Variants in TTBK2 observed in about 807,000 individuals in gnomAD.
TTBK2 encodes the protein tau tubulin kinase 2.
TTBK2 carries 28 observed loss-of-function variants against 110.8 expected under a neutral mutation model. The observed-to-expected ratio is 0.25, with a 90% CI of 0.19 to 0.35. The LOEUF (loss-of-function observed/expected upper bound fraction) is 0.35. Ranked by LOEUF, TTBK2 falls within the 10% of genes least tolerant of loss-of-function variation. TTBK2 has a pLI of 1.00. For missense variants in TTBK2, 1,369 were observed against 1,500.3 expected, an observed-to-expected ratio of 0.91 and a Z score of 1.45; for synonymous variants, 532 against 527.3, an observed-to-expected ratio of 1.01 and a Z score of -0.12.
At chr15:42,763,194 T>A (rs867700912) in intron 13 of TTBK2, among the ~76,000 whole-genome samples, 368 of 3,930 alleles carry the variant, frequency 0.094, no homozygotes, top group Middle Eastern at 0.25. Context: ...ATATATATAT[T>A]TTTTTTTTTT....
chr15:42,804,613 G>C (rs1031400270), intron 9 of TTBK2, among the ~76,000 whole-genome samples: 1 of 152,140 alleles, frequency 6.6e-6, no homozygotes, highest in Non-Finnish European at 1.5e-5. Flanking sequence ...GTTACAGCCA[G>C]TCAGCAGGCA....
At chr15:42,831,450 A>G in intron 4 of TTBK2, among the ~76,000 whole-genome samples, 1 of 152,266 alleles carries the variant, frequency 6.6e-6, no homozygotes, top group African/African-American at 2.4e-5. Flanking sequence ...TTATATGACA[A>G]ACATTCAATT....
intron 1 of TTBK2, among the ~76,000 whole-genome samples, chr15:42,891,562 A>C (rs1222969179): frequency 2.6e-5 from 4 of 152,092 alleles, no homozygotes; most frequent in Admixed American, 2.6e-4. Context: ...TACAAGGCTC[A>C]GGGAGCTTCC....
At chr15:42,881,833 T>C (rs1019378461) in intron 1 of TTBK2, among the ~76,000 whole-genome samples, 6 of 151,588 alleles carry the variant, frequency 4.0e-5, no homozygotes, top group African/African-American at 1.2e-4. Flanking sequence ...ATCGCACCAT[T>C]GCACTCTAGC....
chr15:42,903,899 A>G (rs1330365286), intron 1 of TTBK2, among the ~76,000 whole-genome samples: 2 of 152,172 alleles, frequency 1.3e-5, no homozygotes, highest in Non-Finnish European at 2.9e-5. Context: ...GAGCTGCCAT[A>G]TCACCCTATA....
chr15:42,739,833 G>A lies in TTBK2; in HGVS notation c.*5962C>T, dbSNP rs1203714922. The A allele has an allele frequency of 1.9e-4, 29 of 152,148 alleles. No individual in the cohort carries two copies. Among genetic ancestry groups the A allele is most frequent in the Non-Finnish European group, 1.5e-5 (1 of 68,024 alleles). The allele number at this position is 152,148 out of a possible 1,614,324, so 9.4% of individuals were successfully genotyped here. On this transcript the variant is annotated 3_prime_UTR_variant, in exon 15 of 15. Transcript: ENST00000267890. Reference sequence around the variant, plus strand: ...TACCCCTTGTAGGCGAGTGAAGAATGCCCACACAGAGTTCAGATGTGGTGA... The same window carrying A: ...TACCCCTTGTAGGCGAGTGAAGAATACCCACACAGAGTTCAGATGTGGTGA...
chr15:42,794,881 T>TCCC (rs1470601877), intron 9 of TTBK2, 80 bp from the exon 10 acceptor site: 12 of 1,566,724 alleles, frequency 7.7e-6, no homozygotes, highest in Non-Finnish European at 1.0e-5. Flanking sequence ...CACACCAGAC[T>TCCC]CATAAAATGA....
intron 4 of TTBK2, 50 bp from the exon 5 acceptor site, chr15:42,830,128 TAAGAG>T (rs1486011844): frequency 6.2e-7 from 1 of 1,607,230 alleles, no homozygotes; most frequent in Non-Finnish European, 8.5e-7. Context: ...AACTATAGTA[TAAGAG>T]AAGACTGGGA....
At chr15:42,753,345 A>G in intron 13 of TTBK2, 98 bp from the exon 14 acceptor site, 2 of 1,301,460 alleles carry the variant, frequency 1.5e-6, no homozygotes, top group Admixed American at 2.0e-5. Context: ...ATTTATAGGA[A>G]GAACACAGAT....
chr15:42,910,218 C>T (rs1252785224), intron 1 of TTBK2, among the ~76,000 whole-genome samples: 2 of 150,546 alleles, frequency 1.3e-5, no homozygotes, highest in African/African-American at 4.9e-5. Flanking sequence ...GATTAGGCAA[C>T]AATAATCTAG....
chr15:42,899,118 G>A (rs1462247620), intron 1 of TTBK2, among the ~76,000 whole-genome samples: 2 of 152,032 alleles, frequency 1.3e-5, no homozygotes, highest in African/African-American at 4.8e-5. Flanking sequence ...TCAGCCTCCT[G>A]AGAAGCTGCA....
chr15:42,765,690 C>T (rs549494653), intron 13 of TTBK2, among the ~76,000 whole-genome samples: 1 of 152,336 alleles, frequency 6.6e-6, no homozygotes, highest in African/African-American at 2.4e-5. Flanking sequence ...CTGCAAAACA[C>T]TCTGCAGGAT....
At chr15:42,774,540 C>T (rs560168770) in intron 13 of TTBK2, among the ~76,000 whole-genome samples, 5 of 152,246 alleles carry the variant, frequency 3.3e-5, no homozygotes, top group African/African-American at 1.2e-4. Flanking sequence ...GCCGCCTCTA[C>T]CTGCTTGTTA....
intron 6 of TTBK2, 90 bp from the exon 7 acceptor site, chr15:42,817,187 C>A (rs7182753): frequency 2.1e-6 from 2 of 940,360 alleles, no homozygotes. Context: ...GGAAGAAACA[C>A]GTCCTTTATT....
chr15:42,754,604 T>C (rs2061917258), intron 13 of TTBK2, among the ~76,000 whole-genome samples: 1 of 147,274 alleles, frequency 6.8e-6, no homozygotes, highest in Non-Finnish European at 1.5e-5. Context: ...ACCATGTTGG[T>C]CAGGTTGGTC....
At chr15:42,887,603 G>A (rs1895293783) in intron 1 of TTBK2, among the ~76,000 whole-genome samples, 1 of 152,144 alleles carries the variant, frequency 6.6e-6, no homozygotes, top group Non-Finnish European at 1.5e-5. Context: ...TTACAGGTTA[G>A]TCCAGGATCT....
intron 6 of TTBK2, among the ~76,000 whole-genome samples, chr15:42,827,204 T>C (rs1892570977): frequency 6.6e-6 from 1 of 152,182 alleles, no homozygotes; most frequent in Non-Finnish European, 1.5e-5. Flanking sequence ...CAGCAGAGTC[T>C]TAATACTGTG....
At chr15:42,795,504 C>T (rs998525037) in intron 9 of TTBK2, among the ~76,000 whole-genome samples, 1 of 151,994 alleles carries the variant, frequency 6.6e-6, no homozygotes, top group South Asian at 2.1e-4. Context: ...TAGCTTTATT[C>T]TCTCCTCATC....
At chr15:42,786,936 T>A (rs1248683098) in intron 10 of TTBK2, among the ~76,000 whole-genome samples, 2 of 152,230 alleles carry the variant, frequency 1.3e-5, no homozygotes, top group African/African-American at 4.8e-5. Flanking sequence ...ATAAGAGTGT[T>A]ATTAGCACAT....
Sources: gnomAD v4.1 joint callset for allele counts (sites outside exome capture counted in the v4.1 genomes callset) on GRCh38, gnomAD v4.1.1 for gene constraint, MANE v1.5 for transcripts, NCBI Gene and HGNC (gene_info 2026-07-23, HGNC 2026-07-21) for gene names.